Variants in STPG2 observed in about 807,000 individuals in gnomAD.
STPG2 encodes the protein sperm tail PG-rich repeat containing 2.
A neutral mutation model predicts 54.2 loss-of-function variants in STPG2; 56 were observed. The ratio of observed to expected loss-of-function variants is 1.03; its 90% CI spans 0.83 to 1.29. The LOEUF (loss-of-function observed/expected upper bound fraction) is 1.29. STPG2 is among the 50% of genes most tolerant of loss of function. STPG2 has a pLI of 0.00. For missense variants in STPG2, 596 were observed against 544.9 expected (o/e 1.09, Z -0.93); for synonymous variants, 200 against 181.8 (o/e 1.10, Z -0.81).
intron 8 of STPG2, among the ~76,000 whole-genome samples, chr4:97,863,976 C>A (rs1404113819): frequency 6.6e-6 from 1 of 152,134 alleles, no homozygotes; most frequent in East Asian, 1.9e-4. Context: ...TTATGACAAA[C>A]CCACAGCCCA....
At chr4:97,847,744 A>G (rs1363880088) in intron 8 of STPG2, among the ~76,000 whole-genome samples, 1 of 152,180 alleles carries the variant, frequency 6.6e-6, no homozygotes, top group Non-Finnish European at 1.5e-5. Context: ...CTTACCTGCA[A>G]CTACCAAACG....
chr4:97,478,636 T>C (rs937838745), intron 4 of STPG2, among the ~76,000 whole-genome samples: 4 of 152,064 alleles, frequency 2.6e-5, no homozygotes, highest in Non-Finnish European at 5.9e-5. Flanking sequence ...ACTCATTTAG[T>C]TATAGTTTAG....
In STPG2 at chr4:97,832,544, G is replaced by C. The variant is rs539126262; in HGVS notation, c.1204+8229C>G. On this transcript the variant is annotated intron_variant, in intron 9 of 10. Transcript: ENST00000295268. ...AATCAGGCAAGAGAAAGATATAAAG[G>C]GTATTCAAATAGGAAAAGAGAAAGT... Among the ~76,000 whole-genome samples the C allele has an allele frequency of 3.9e-5, 6 of 152,194 alleles. No homozygotes were observed. In the South Asian group the frequency reaches 1.0e-3, roughly 26 times the overall value.
At chr4:97,679,087 C>T (rs1260869449) in intron 10 of STPG2, among the ~76,000 whole-genome samples, 25 of 151,982 alleles carry the variant, frequency 1.6e-4, no homozygotes, top group Non-Finnish European at 2.9e-4. Context: ...AATAAACATA[C>T]GTGTGCATGT....
At chr4:97,730,476 GT>G (rs1201565480) in intron 9 of STPG2, among the ~76,000 whole-genome samples, 22 of 152,178 alleles carry the variant, frequency 1.4e-4, no homozygotes, top group Admixed American at 1.0e-3. Flanking sequence ...GGATGCATGT[GT>G]TTTTTTGGTG....
intron 10 of STPG2, among the ~76,000 whole-genome samples, chr4:97,635,076 A>G (rs1721459535): frequency 6.6e-6 from 1 of 152,022 alleles, no homozygotes; most frequent in African/African-American, 2.4e-5. Context: ...AAAAATGTTA[A>G]GGGCAGCCAG....
At chr4:97,863,117 A>C (rs1048212995) in intron 8 of STPG2, among the ~76,000 whole-genome samples, 2 of 151,644 alleles carry the variant, frequency 1.3e-5, no homozygotes, top group African/African-American at 2.4e-5. Context: ...TGAAGGAGAT[A>C]GAGACACAAA....
At chr4:97,855,946 T>C (rs1729321105) in intron 8 of STPG2, among the ~76,000 whole-genome samples, 2 of 152,226 alleles carry the variant, frequency 1.3e-5, no homozygotes, top group Admixed American at 6.6e-5. Flanking sequence ...TGCTTGTTTT[T>C]GTCAGGTTTG....
chr4:97,538,946 T>G (rs1456826794), intron 4 of STPG2, among the ~76,000 whole-genome samples: 1 of 152,094 alleles, frequency 6.6e-6, no homozygotes, highest in African/African-American at 2.4e-5. Flanking sequence ...CAAACTAAGC[T>G]TCATAAGTGG....
chr4:97,605,615 G>C (rs1733573210), intron 10 of STPG2, among the ~76,000 whole-genome samples: 1 of 151,536 alleles, frequency 6.6e-6, no homozygotes, highest in Non-Finnish European at 1.5e-5. Flanking sequence ...TTTGCATAGA[G>C]GTATTGTGTT....
At chr4:97,878,888 G>C (rs1730272190) in intron 8 of STPG2, among the ~76,000 whole-genome samples, 2 of 151,932 alleles carry the variant, frequency 1.3e-5, no homozygotes, top group Admixed American at 6.5e-5. Flanking sequence ...TTTATGCTCT[G>C]TTTCCCTTTT....
At chr4:97,751,300 A>G (rs190909998) in intron 9 of STPG2, among the ~76,000 whole-genome samples, 11 of 151,882 alleles carry the variant, frequency 7.2e-5, no homozygotes, top group Admixed American at 4.6e-4. Flanking sequence ...GTTGTAATAA[A>G]TAAATAATTT....
intron 8 of STPG2, among the ~76,000 whole-genome samples, chr4:97,908,407 G>A (rs200510212): frequency 0.087 from 12,097 of 139,656 alleles, 840 homozygotes; most frequent in African/African-American, 0.19. Context: ...ACACTTTTAC[G>A]CTGTTGGTGG....
chr4:98,018,360 T>C (rs1242804711), intron 5 of STPG2, among the ~76,000 whole-genome samples: 2 of 152,234 alleles, frequency 1.3e-5, no homozygotes, highest in Non-Finnish European at 1.5e-5. Flanking sequence ...TCATTTTTTA[T>C]GGCTGCATAG....
intron 8 of STPG2, among the ~76,000 whole-genome samples, chr4:97,924,745 T>C (rs1732271350): frequency 1.3e-5 from 2 of 152,232 alleles, no homozygotes; most frequent in African/African-American, 2.4e-5. Context: ...ATGATAATAA[T>C]ACCATATTAT....
chr4:97,495,550 T>C (rs1730592061), intron 4 of STPG2, among the ~76,000 whole-genome samples: 1 of 151,144 alleles, frequency 6.6e-6, no homozygotes, highest in African/African-American at 2.4e-5. Flanking sequence ...TGCAGTTCGG[T>C]TTGAAAAAAA....
At chr4:98,041,477 T>C (rs1211986406) in intron 5 of STPG2, among the ~76,000 whole-genome samples, 2 of 151,952 alleles carry the variant, frequency 1.3e-5, no homozygotes, top group Non-Finnish European at 2.9e-5. Flanking sequence ...TTGTTGCCTA[T>C]GGCTTTTATC....
intron 8 of STPG2, among the ~76,000 whole-genome samples, chr4:97,926,587 C>T (rs945902077): frequency 2.6e-5 from 4 of 152,008 alleles, no homozygotes; most frequent in African/African-American, 9.7e-5. Flanking sequence ...GAAATGTTTC[C>T]GAAGTAAAAC....
At chr4:97,619,865 TCA>T (rs1560688690) in intron 10 of STPG2, among the ~76,000 whole-genome samples, 2 of 150,278 alleles carry the variant, frequency 1.3e-5, no homozygotes, top group Admixed American at 6.7e-5. Flanking sequence ...GCTCTCTCTC[TCA>T]GTTTGGAGTG....
Sources: allele counts gnomAD v4.1 joint callset (sites outside exome capture counted in the v4.1 genomes callset), GRCh38; gene constraint gnomAD v4.1.1; transcripts MANE v1.5; gene names NCBI Gene and HGNC (gene_info 2026-07-23, HGNC 2026-07-21).